The following CDH23 variants were observed in gnomAD, a reference collection of about 807,000 sequenced individuals.
The protein encoded by CDH23 is cadherin related 23, also known as cadherin-23.
CDH23 carries 189 observed loss-of-function variants against 317.1 expected under a neutral mutation model. That is an observed-to-expected ratio of 0.60 (90% confidence interval 0.53 to 0.67). CDH23 has a LOEUF of 0.67. Ranked by LOEUF, CDH23 falls within the 30% of genes least tolerant of loss-of-function variation. The pLI, the probability that CDH23 is intolerant of heterozygous loss-of-function variation, is 0.00. For missense variants in CDH23, 4,401 were observed against 4,592.4 expected (o/e 0.96, Z 1.20); for synonymous variants, 1,839 against 1,876.8 (o/e 0.98, Z 0.52).
chr10:71,644,670 G>A (rs1182717043), intron 12 of CDH23, among the ~76,000 whole-genome samples: 1 of 152,208 alleles, frequency 6.6e-6, no homozygotes, highest in East Asian at 1.9e-4. Flanking sequence ...CATACCCTAA[G>A]CAACCAAGAT....
chr10:71,726,383 G>A (rs1000125623), intron 30 of CDH23, among the ~76,000 whole-genome samples: 2 of 152,214 alleles, frequency 1.3e-5, no homozygotes, highest in Non-Finnish European at 2.9e-5. Context: ...TGGAAACAAT[G>A]AGCGGTGGTC....
At position 71,580,683 on chromosome 10, in the gene CDH23, G is replaced by T. The variant is rs190092461; in HGVS notation, c.832+2691G>T. On this transcript the variant is annotated intron_variant, in intron 9 of 69. Transcript: ENST00000224721. ...CTATGTTACCACTTGAACAACACGT[G>T]CAGGGTGGCCTTAGAACTTCCTTTA... is the stretch of plus-strand genomic sequence containing the variant. Among the ~76,000 whole-genome samples the T allele has an allele frequency of 2.2e-3, 339 of 152,334 alleles. 2 individuals carry two copies. The highest frequency in any genetic ancestry group is 7.4e-3 in the African/African-American group (306 of 41,572).
chr10:71,683,524 G>T (rs1864743969), intron 18 of CDH23, among the ~76,000 whole-genome samples: 1 of 152,202 alleles, frequency 6.6e-6, no homozygotes, highest in Non-Finnish European at 1.5e-5. Context: ...AAGCGGAAAG[G>T]CCATTGTCTG....
At chr10:71,695,821 C>G (rs1865366735) in intron 22 of CDH23, among the ~76,000 whole-genome samples, 2 of 152,290 alleles carry the variant, frequency 1.3e-5, no homozygotes, top group South Asian at 4.1e-4. Context: ...TTGTGAGCCA[C>G]ACGTGCCCTT....
At chr10:71,532,629 C>A (rs958884909) in intron 6 of CDH23, among the ~76,000 whole-genome samples, 2 of 151,886 alleles carry the variant, frequency 1.3e-5, no homozygotes, top group African/African-American at 4.8e-5. Flanking sequence ...CCTTTTGAGT[C>A]CCCAGCCCTG....
intron 3 of CDH23, among the ~76,000 whole-genome samples, chr10:71,455,029 T>C (rs1271759350): frequency 2.6e-5 from 4 of 152,136 alleles, no homozygotes; most frequent in Non-Finnish European, 5.9e-5. Flanking sequence ...GTGTGTGAGA[T>C]AGGAGTCTTG....
intron 30 of CDH23, among the ~76,000 whole-genome samples, chr10:71,726,982 T>C (rs182058772): frequency 6.6e-6 from 1 of 152,302 alleles, no homozygotes; most frequent in Admixed American, 6.5e-5. Context: ...AGCCAGACTG[T>C]GACAATCAGT....
chr10:71,610,324 G>A (rs1213902589), intron 9 of CDH23, among the ~76,000 whole-genome samples: 2 of 152,168 alleles, frequency 1.3e-5, no homozygotes, highest in East Asian at 3.8e-4. Context: ...TCTTGAGGAA[G>A]AAGCCACTTT....
chr10:71,813,161 C>T (rs1589440335), intron 68 of CDH23, 83 bp from the exon 69 acceptor site: 4 of 1,311,702 alleles, frequency 3.0e-6, no homozygotes, highest in Admixed American at 2.0e-5. Flanking sequence ...TGTCCGTGTA[C>T]CCCTTACTCC....
intron 38 of CDH23, among the ~76,000 whole-genome samples, chr10:71,760,161 GTATATACA>G (rs751375949): frequency 0.25 from 11,435 of 46,016 alleles, 3,784 homozygotes; most frequent in South Asian, 0.44. Flanking sequence ...GTATATATAT[GTATATACA>G]TATATATGTG....
chr10:71,657,532 C>T (rs915334738), intron 14 of CDH23, among the ~76,000 whole-genome samples: 1 of 152,166 alleles, frequency 6.6e-6, no homozygotes, highest in African/African-American at 2.4e-5. Context: ...TATTAGTAAG[C>T]CTGGGAGATG....
chr10:71,414,047 T>TTGTGTGTGTG (rs34017042), intron 1 of CDH23, among the ~76,000 whole-genome samples: 1,602 of 142,956 alleles, frequency 0.011, 22 homozygotes, highest in Middle Eastern at 0.039. Context: ...CTCCTGGGTT[T>TTGTGTGTGTG]TGTGTGTGTG....
intron 3 of CDH23, among the ~76,000 whole-genome samples, chr10:71,499,445 C>T (rs756406848): frequency 2.0e-5 from 3 of 152,108 alleles, no homozygotes; most frequent in Admixed American, 1.3e-4. Flanking sequence ...GCTTGTAATC[C>T]GAGCTACTTG....
At chr10:71,588,959 T>C (rs1362991820) in intron 9 of CDH23, among the ~76,000 whole-genome samples, 1 of 152,158 alleles carries the variant, frequency 6.6e-6, no homozygotes, top group Non-Finnish European at 1.5e-5. Context: ...CTGGGTCCCA[T>C]AGCTCCACTG....
In CDH23 at chr10:71,803,389, C is replaced by T; in HGVS notation, c.7841C>T (p.Pro2614Leu). 6.3e-7 allele frequency: 1 copy of T among 1,597,612 alleles called. No homozygotes were observed. The highest frequency in any genetic ancestry group is 8.5e-7 in the Non-Finnish European group (1 of 1,172,780). Residue 2614 changes from proline (P) to leucine (L), a missense_variant, in exon 55 of 70, where the codon CCA becomes CTA. By Grantham distance (98) the Pro-to-Leu change is moderately conservative. Around this residue, in one of 3 missense-constraint regions of CDH23, gnomAD observed 1,144 missense variants for 1,138.2 expected, o/e 1.01. Transcript: ENST00000224721. ...GACAACCGCCCTGTCTTTGTGCGCC[C>T]ACCCAACGGCACCATCCTCCACATC... ...VNDNRPVFVR[P>L]PNGTILHIRE...
In CDH23 at chr10:71,431,299, G is replaced by C. The variant is rs184733444; in HGVS notation, c.-5-8528G>C. Among the ~76,000 whole-genome samples, 414 of 152,308 alleles carry C rather than the reference G, an allele frequency of 2.7e-3. 1 individual carries two copies. The highest frequency in any genetic ancestry group is 4.2e-3 in the Admixed American group (64 of 15,296). On this transcript the variant is annotated intron_variant, in intron 1 of 69. Transcript: ENST00000224721. The stretch of plus-strand genomic sequence containing the variant: ...CTCCCCACCCTGGGGGTCTCAGGTC[G>C]TGCCCTGCCTTCCTGCCCCAGGCAC...
chr10:71,662,675 C>A (rs1863727080), intron 14 of CDH23, among the ~76,000 whole-genome samples: 1 of 152,190 alleles, frequency 6.6e-6, no homozygotes, highest in South Asian at 2.1e-4. Context: ...TCCCCTTTTC[C>A]TTTTCTACCA....
Position 71,459,085 on chromosome 10 carries a change from C to CTT in CDH23, c.145+12707_145+12708dup, listed in dbSNP as rs372627407. On this transcript the variant is annotated intron_variant, in intron 3 of 69. Transcript: ENST00000224721. ...ACAGGTGTGAGCCACCACACCTGGC[C>CTT]TTTTTTTTTTTTTTTTTTGTGAGAT... Among the ~76,000 whole-genome samples the CTT allele has an allele frequency of 6.8e-3, 693 of 102,562 alleles. 22 individuals are homozygous for CTT. The highest frequency in any genetic ancestry group is 0.019 in the East Asian group (55 of 2,864). 67.3% of individuals were successfully genotyped at this position (102,562 alleles called of 152,430 possible). A position where few individuals can be genotyped will look rare whatever the true frequency, so the allele number is the denominator to read the frequency against.
At position 71,751,150 on chromosome 10, in the gene CDH23, G is replaced by C; in HGVS notation, c.4845+9229G>C. On this transcript the variant is annotated intron_variant, in intron 38 of 69. Transcript: ENST00000224721. The surrounding 1 kb of genome is among the most constrained non-coding windows in gnomAD (Gnocchi z 4.9). ...GTATCTGAGCCCAGAGCAGGAGGGA[G>C]GGAACCAGGGCCGAGGCCAAGGAGG... 2 of 1,359,050 alleles carry C rather than the reference G, an allele frequency of 1.5e-6. No individual in the cohort carries two copies. Among genetic ancestry groups the C allele is most frequent in the Non-Finnish European group, 2.0e-6 (2 of 989,818 alleles). The allele number at this position is 1,359,050 out of a possible 1,614,324, so 84.2% of individuals were successfully genotyped here.
Sources: gnomAD v4.1 joint callset for allele counts (sites outside exome capture counted in the v4.1 genomes callset) on GRCh38, gnomAD v4.1.1 for gene constraint, gnomAD v4.1.1 regional missense constraint, Gnocchi (gnomAD v3.1) non-coding constraint, MANE v1.5 for transcripts, NCBI Gene and HGNC (gene_info 2026-07-23, HGNC 2026-07-21) for gene names.